Variants in RUNX1T1 observed in about 807,000 individuals in gnomAD.
RUNX1T1 encodes the protein protein CBFA2T1.
RUNX1T1 carries 4 observed loss-of-function variants against 62.8 expected under a neutral mutation model. The ratio of observed to expected loss-of-function variants is 0.06; its 90% confidence interval spans 0.03 to 0.15. The LOEUF (loss-of-function observed/expected upper bound fraction) is 0.15, where lower values mean the gene tolerates loss of function less well. Ranked by LOEUF, RUNX1T1 falls within the 10% of genes least tolerant of loss-of-function variation. RUNX1T1 has a pLI of 1.00. For missense variants in RUNX1T1, 508 were observed against 754.3 expected, an observed-to-expected ratio of 0.67 and a Z score of 3.82; for synonymous variants, 291 against 286.0, an observed-to-expected ratio of 1.02 and a Z score of -0.18.
At chr8:92,036,973 A>G (rs1158626573) in intron 1 of RUNX1T1, among the ~76,000 whole-genome samples, 1 of 152,178 alleles carries the variant, frequency 6.6e-6, no homozygotes, top group Non-Finnish European at 1.5e-5. Flanking sequence ...ATTTGTCCCA[A>G]ATGTCTACTT....
chr8:92,093,726 T>C (rs1837376082), intron 1 of RUNX1T1, among the ~76,000 whole-genome samples: 1 of 152,202 alleles, frequency 6.6e-6, no homozygotes, highest in Admixed American at 6.5e-5. Flanking sequence ...AGAATGAATG[T>C]CACTCATGCA....
At chr8:92,102,836 A>G (rs1838103745), upstream of RUNX1T1, 2 of 1,508,978 alleles carry the variant, frequency 1.3e-6, no homozygotes, top group East Asian at 2.7e-5. This position sits in a 1 kb window ranked among gnomAD's most constrained non-coding sequence, Gnocchi z 4.5. Context: ...CCGCCGGCCA[A>G]GCCCTACCGC....
chr8:91,974,634 C>G (rs188430008), intron 9 of RUNX1T1, among the ~76,000 whole-genome samples: 56 of 152,186 alleles, frequency 3.7e-4, no homozygotes, highest in African/African-American at 1.3e-3. Flanking sequence ...GTAGGTGGTA[C>G]TTGGCATATT....
chr8:91,970,926 TTTTAA>T (rs1435834060), intron 9 of RUNX1T1, 78 bp from the exon 11 acceptor site: 4 of 1,236,122 alleles, frequency 3.2e-6, no homozygotes, highest in African/African-American at 3.1e-5. Context: ...ATTACTTTTC[TTTTAA>T]TTTTTTTTTT....
At chr8:92,079,984 CA>C (rs1197774624) in intron 1 of RUNX1T1, among the ~76,000 whole-genome samples, 1 of 151,956 alleles carries the variant, frequency 6.6e-6, no homozygotes, top group Non-Finnish European at 1.5e-5. Flanking sequence ...CATGTCCCCC[CA>C]CCCTCTGCAT....
At chr8:92,050,740 C>G (rs1047953101) in intron 1 of RUNX1T1, among the ~76,000 whole-genome samples, 2 of 152,090 alleles carry the variant, frequency 1.3e-5, no homozygotes, top group African/African-American at 4.8e-5. Context: ...CTACTAAGTG[C>G]AAGACACACA....
At position 91,997,684 on chromosome 8, in the gene RUNX1T1, C is replaced by G. The variant is rs79541633; in HGVS notation, c.660-5795G>C. Among the ~76,000 whole-genome samples the G allele has an allele frequency of 1.6e-4, 25 of 152,260 alleles. No individual in the cohort carries two copies. In the East Asian group the frequency reaches 4.6e-3, roughly 28 times the overall value. Reference sequence around the variant, plus strand: ...CTCAAGCATCTCTATACGGGTCCCTCCTTCTTGCCCCAGGATACCTTTATC... The same window carrying G: ...CTCAAGCATCTCTATACGGGTCCCTGCTTCTTGCCCCAGGATACCTTTATC... On this transcript the variant is annotated intron_variant, in intron 5 of 10. Transcript: ENST00000396218.
chr8:92,065,633 C>A (rs1424915256), upstream of RUNX1T1, among the ~76,000 whole-genome samples: 1 of 152,122 alleles, frequency 6.6e-6, no homozygotes. Context: ...TGTATGATTC[C>A]AAGGTATTTT....
rs183914838 is a variant in RUNX1T1, at chr8:92,005,342, T to C, written c.478-45A>G. ...ATGAGAGGACGGACTGAAAGTTTTC[T>C]TCTGTCCTGTTGACTTACTCTGCTT... On this transcript the variant is annotated intron_variant, in intron 4 of 10. Coordinates refer to ENST00000396218, the Ensembl canonical transcript of RUNX1T1. The C allele has an allele frequency of 4.3e-4, 679 of 1,564,048 alleles. 3 individuals are homozygous for C. In the African/African-American group the frequency reaches 6.3e-3, roughly 15 times the overall value.
upstream of RUNX1T1, chr8:92,102,707 T>C (rs1156627860): frequency 4.0e-6 from 3 of 746,398 alleles, no homozygotes; most frequent in African/African-American, 5.5e-5. The surrounding 1 kb of genome is among the most constrained non-coding windows in gnomAD (Gnocchi z 4.5). Context: ...TGGTGCGTAG[T>C]CCTACCCTAA....
At chr8:91,973,235 T>C (rs569452966) in intron 9 of RUNX1T1, among the ~76,000 whole-genome samples, 4 of 151,758 alleles carry the variant, frequency 2.6e-5, no homozygotes, top group African/African-American at 9.6e-5. Context: ...TACTCTCAAA[T>C]GATTAGAAAT....
At chr8:92,060,759 T>G (rs1040961044) in intron 1 of RUNX1T1, among the ~76,000 whole-genome samples, 2 of 151,882 alleles carry the variant, frequency 1.3e-5, no homozygotes, top group African/African-American at 4.8e-5. Flanking sequence ...AAAAACATAT[T>G]TAGAGGTAGT....
At chr8:92,046,927 C>T (rs1024764920) in intron 1 of RUNX1T1, among the ~76,000 whole-genome samples, 1 of 152,108 alleles carries the variant, frequency 6.6e-6, no homozygotes. Context: ...TAATAAATGA[C>T]GGGAGTAACC....
At chr8:91,971,010 A>G in intron 9 of RUNX1T1, 162 bp from the exon 11 acceptor site, 2 of 503,224 alleles carry the variant, frequency 4.0e-6, no homozygotes, top group Non-Finnish European at 6.7e-6. Flanking sequence ...TAGCAGCTGG[A>G]ATTACAGGAG....
intron 1 of RUNX1T1, among the ~76,000 whole-genome samples, chr8:92,085,831 T>C (rs1048181855): frequency 6.6e-6 from 1 of 152,130 alleles, no homozygotes; most frequent in South Asian, 2.1e-4. Context: ...CAACTAAGAG[T>C]GAGCAATAAG....
chr8:92,100,881 C>T (rs1037455754), upstream of RUNX1T1, among the ~76,000 whole-genome samples: 2 of 152,166 alleles, frequency 1.3e-5, no homozygotes, highest in Non-Finnish European at 2.9e-5. Flanking sequence ...GTTTAAGAAA[C>T]AATGGTGTTT....
upstream of RUNX1T1, among the ~76,000 whole-genome samples, chr8:92,065,998 G>C (rs2130664977): frequency 6.6e-6 from 1 of 152,288 alleles, no homozygotes; most frequent in East Asian, 1.9e-4. Context: ...AGAATTAATA[G>C]TTTCAGATAT....
intron 10 of RUNX1T1, among the ~76,000 whole-genome samples, chr8:91,961,153 G>A (rs549352153): frequency 1.3e-5 from 2 of 152,270 alleles, no homozygotes; most frequent in South Asian, 4.1e-4. Flanking sequence ...CTTTACCTCA[G>A]CTCCCTGGAG....
At chr8:92,010,933 A>G (rs1821803366) in intron 4 of RUNX1T1, 69 bp downstream of exon 5, 9 of 827,940 alleles carry the variant, frequency 1.1e-5, no homozygotes, top group Non-Finnish European at 1.8e-5. Context: ...TGTACTAAAA[A>G]AGCACACAGT....
Sources: gnomAD v4.1 joint callset for allele counts (sites outside exome capture counted in the v4.1 genomes callset) on GRCh38, gnomAD v4.1.1 for gene constraint, Gnocchi (gnomAD v3.1) non-coding constraint, MANE v1.5 for transcripts, NCBI Gene and HGNC (gene_info 2026-07-23, HGNC 2026-07-21) for gene names.